Variants in KCNG4 observed in about 807,000 individuals in gnomAD.
The protein encoded by KCNG4 is voltage-gated potassium channel regulatory subunit KCNG4.
In KCNG4, 30 loss-of-function variants were observed where a neutral mutation model predicts 28.2. That is an observed-to-expected ratio of 1.06 (90% CI 0.80 to 1.44). The LOEUF (loss-of-function observed/expected upper bound fraction) is 1.44, where lower values mean the gene tolerates loss of function less well. Among genes scored for constraint, KCNG4 ranks in the 40% most tolerant of loss-of-function variants. KCNG4 has a pLI of 0.00. For synonymous variants in KCNG4, 375 were observed against 315.5 expected (o/e 1.19, Z -2.00); for missense variants, 879 against 712.3 (o/e 1.23, Z -2.66).
At chr16:84,223,705 G>A (rs1027381129) in intron 2 of KCNG4, among the ~76,000 whole-genome samples, 3 of 152,090 alleles carry the variant, frequency 2.0e-5, no homozygotes, top group Non-Finnish European at 2.9e-5. Context: ...CATAGGAGGC[G>A]GTACCAGGGT....
Position 84,236,887 on chromosome 16 carries a change from C to T in KCNG4, c.599G>A (p.Trp200Ter), listed in dbSNP as rs1299588391. Reference protein sequence around the residue: ...TRRPASHSSRWGLCMNRLREM... With the variant: ...TRRPASHSSR ...GCGCAGCCGGTTCATGCACAGGCCC[C>T]AGCGCGAGGAGTGCGAGGCGGGGCG... Residue 200 changes from tryptophan to a stop codon, truncating the protein, a stop_gained, in exon 2 of 3, where the codon TGG becomes TAG. Coordinates refer to ENST00000308251, the MANE Select transcript of KCNG4 (RefSeq NM_172347.3). LOFTEE classifies it high-confidence loss of function. 4 of 1,613,422 alleles carry T rather than the reference C, an allele frequency of 2.5e-6. No individual in the cohort carries two copies. The highest frequency in any genetic ancestry group is 3.4e-6 in the Non-Finnish European group (4 of 1,180,014).
intron 2 of KCNG4, among the ~76,000 whole-genome samples, chr16:84,234,477 C>G (rs1904897586): frequency 6.6e-6 from 1 of 152,230 alleles, no homozygotes; most frequent in African/African-American, 2.4e-5. Context: ...CTGCACCCAG[C>G]CTCCATTGTA....
intron 2 of KCNG4, chr16:84,236,298 TGTTCAGTAAACACATGTTGA>T (rs1387845089): frequency 4.5e-6 from 1 of 222,990 alleles, no homozygotes; most frequent in African/African-American, 2.3e-5. Context: ...CACAGAGTGG[TGTTCAGTAAACACATGTTGA>T]GTTCACTGGG....
At position 84,226,570 on chromosome 16, in the gene KCNG4, G is replaced by A. The variant is rs1256137058; in HGVS notation, c.757-3550C>T. 6.6e-6 allele frequency among the ~76,000 whole-genome samples: 1 copy of A among 152,010 alleles called. No homozygotes were observed. Among genetic ancestry groups the A allele is most frequent in the African/African-American group, 2.4e-5 (1 of 41,378 alleles). ...ATCTGAGGTGGAGAGGGGATGGAAA[G>A]AGAGGAAACAAGAATGGCAGAATAT... On this transcript the variant is annotated intron_variant, in intron 2 of 2. Transcript: ENST00000308251. This position sits in a 1 kb window ranked among gnomAD's most constrained non-coding sequence, Gnocchi z 4.1.
chr16:84,225,290 C>T (rs1381725315), intron 2 of KCNG4, among the ~76,000 whole-genome samples: 1 of 152,040 alleles, frequency 6.6e-6, no homozygotes, highest in Admixed American at 6.6e-5. Context: ...ATTCCCCAGC[C>T]CTGCTACAAA....
intron 2 of KCNG4, among the ~76,000 whole-genome samples, chr16:84,229,458 G>A (rs1356545120): frequency 2.0e-5 from 3 of 152,256 alleles, no homozygotes; most frequent in African/African-American, 7.2e-5. Context: ...CACAGGGCCA[G>A]GAGCCCAGCA....
At position 84,222,474 on chromosome 16, in the gene KCNG4, C is replaced by T. The variant is rs753628017; in HGVS notation, c.1303G>A (p.Ala435Thr). 1.9e-6 allele frequency: 3 copies of T among 1,613,820 alleles called. No individual in the cohort carries two copies. Among genetic ancestry groups the T allele is most frequent in the Non-Finnish European group, 2.5e-6 (3 of 1,179,924 alleles). The change falls in exon 3 of 3, where the codon GCC becomes ACC. Residue 435 changes from alanine (A) to threonine (T), a missense_variant. Transcript: ENST00000308251. ...ATCCCGCTCAGGATGCTGCTGAGGG[C>T]CACCATCTGGCCTGGCACACTGCGG... is the stretch of plus-strand genomic sequence containing the variant. ...VPRSVPGQMV[A>T]LSSILSGILI...
rs1465275815 is a variant in KCNG4, at chr16:84,237,001, A to G, written c.485T>C (p.Leu162Pro). Residue 162 changes from leucine (L) to proline (P), a missense_variant, in exon 2 of 3, where the codon CTG (leucine) becomes CCG (proline). Coordinates refer to ENST00000308251, the MANE Select transcript of KCNG4 (RefSeq NM_172347.3). ...IEEAHLERCC[L>P]RKLLRKLEEL... Reference sequence around the variant, plus strand: ...CTCCAGCTTCCTCAGCAGCTTCCGCAGGCAGCACCTCTCCAGGTGGGCCTC... The same window carrying G: ...CTCCAGCTTCCTCAGCAGCTTCCGCGGGCAGCACCTCTCCAGGTGGGCCTC... The G allele has an allele frequency of 1.2e-5, 19 of 1,613,822 alleles. No individual in the cohort carries two copies. The highest frequency in any genetic ancestry group is 1.5e-5 in the Non-Finnish European group (18 of 1,179,968).
chr16:84,225,543 TTCAGAC>T (rs1362272102), intron 2 of KCNG4, among the ~76,000 whole-genome samples: 1 of 152,242 alleles, frequency 6.6e-6, no homozygotes, highest in Non-Finnish European at 1.5e-5. Flanking sequence ...CTGGAAGGTT[TTCAGAC>T]TCTGAGCTAG....
Position 84,220,022 on chromosome 16 carries a change from C to T in KCNG4, c.*2195G>A, listed in dbSNP as rs1485686419. On this transcript the variant is annotated 3_prime_UTR_variant, in exon 3 of 3. Coordinates refer to ENST00000308251, the MANE Select transcript of KCNG4 (RefSeq NM_172347.3). ...AGGTTGCAGTGAGCTGGGATCAAGC[C>T]ACTGCACTCCAGCCTGGCGGACAGA... is the stretch of plus-strand genomic sequence containing the variant. The T allele has an allele frequency of 6.6e-6, 1 of 151,996 alleles. No individual in the cohort carries two copies. Among genetic ancestry groups the T allele is most frequent in the East Asian group, 1.9e-4 (1 of 5,174 alleles). The allele number at this position is 151,996 out of a possible 1,614,324, so 9.4% of individuals were successfully genotyped here. A position where few individuals can be genotyped will look rare whatever the true frequency, so the allele number is the denominator to read the frequency against.
intron 2 of KCNG4, among the ~76,000 whole-genome samples, chr16:84,223,423 T>C (rs1389813862): frequency 2.0e-5 from 3 of 152,030 alleles, no homozygotes; most frequent in African/African-American, 7.2e-5. Context: ...GGCGGGAGAA[T>C]CTGGAATAAG....
At chr16:84,232,896 C>CAGAAA (rs1289584899) in intron 2 of KCNG4, among the ~76,000 whole-genome samples, 1 of 108,008 alleles carries the variant, frequency 9.3e-6, no homozygotes, top group Non-Finnish European at 1.8e-5. Flanking sequence ...GAAACCCTAT[C>CAGAAA]AAAAAAAAAA....
In KCNG4 at chr16:84,218,910, A is replaced by T. The variant is rs563163313; in HGVS notation, c.*3307T>A. The T allele has an allele frequency of 3.3e-5, 5 of 152,350 alleles. No homozygotes were observed. In the East Asian group the frequency reaches 9.6e-4, roughly 29 times the overall value. The allele number at this position is 152,350 out of a possible 1,614,324, so 9.4% of individuals were successfully genotyped here. On this transcript the variant is annotated 3_prime_UTR_variant, in exon 3 of 3. Coordinates refer to ENST00000308251, the MANE Select transcript of KCNG4 (RefSeq NM_172347.3). Reference sequence around the variant, plus strand: ...GAAGGGATATGCCTGGGTAGAAGCCAGTTACAGGGATGGGCAGAGCTGTCA... The same window carrying T: ...GAAGGGATATGCCTGGGTAGAAGCCTGTTACAGGGATGGGCAGAGCTGTCA...
At chr16:84,235,012 G>A (rs1904913675) in intron 2 of KCNG4, among the ~76,000 whole-genome samples, 2 of 152,134 alleles carry the variant, frequency 1.3e-5, no homozygotes, top group African/African-American at 4.8e-5. Context: ...AAGATATTGT[G>A]GCTGGGCCCG....
At chr16:84,236,693 C>T (rs563216372) in intron 2 of KCNG4, 37 bp downstream of exon 2, 13 of 1,572,638 alleles carry the variant, frequency 8.3e-6, no homozygotes, top group Admixed American at 3.5e-5. Flanking sequence ...AGGCACCCTG[C>T]GGGATGGAGC....
intron 1 of KCNG4, 93 bp from the exon 2 acceptor site, chr16:84,237,618 T>A (rs1905007013): frequency 1.9e-5 from 15 of 784,990 alleles, no homozygotes; most frequent in Middle Eastern, 4.8e-4. Flanking sequence ...TGTTCTTACG[T>A]GTGCTTTCCT....
rs1443192886 is a variant in KCNG4, at chr16:84,236,908, G to A, written c.578C>T (p.Pro193Leu). Residue 193 changes from proline to leucine, a missense_variant, in exon 2 of 3, where the codon CCC becomes CTC. Pro to Leu is a moderately conservative substitution (Grantham distance 98). Transcript: ENST00000308251. ...GCCCCAGCGCGAGGAGTGCGAGGCG[G>A]GGCGGCGGGTCTCCCTCTGCTGCCT... is the stretch of plus-strand genomic sequence containing the variant. ...VLRQQRETRR[P>L]ASHSSRWGLC... 1 of 1,613,496 alleles carries A rather than the reference G, an allele frequency of 6.2e-7. No individual in the cohort carries two copies. Among genetic ancestry groups the A allele is most frequent in the Non-Finnish European group, 8.5e-7 (1 of 1,180,002 alleles).
chr16:84,239,411 C>T (rs956405508), intron 1 of KCNG4, among the ~76,000 whole-genome samples: 3 of 152,182 alleles, frequency 2.0e-5, no homozygotes, highest in South Asian at 4.1e-4. Context: ...ACAGCAAATC[C>T]GAATCCAACC....
intron 2 of KCNG4, among the ~76,000 whole-genome samples, chr16:84,232,573 A>G (rs1378123125): frequency 6.6e-6 from 1 of 152,152 alleles, no homozygotes; most frequent in Non-Finnish European, 1.5e-5. Flanking sequence ...TAAGTTGCTC[A>G]ATTTCATGTT....
Sources: gnomAD v4.1 joint callset for allele counts (sites outside exome capture counted in the v4.1 genomes callset) on GRCh38, gnomAD v4.1.1 for gene constraint, Gnocchi (gnomAD v3.1) non-coding constraint, MANE v1.5 for transcripts, NCBI Gene and HGNC (gene_info 2026-07-23, HGNC 2026-07-21) for gene names.